The following OSBPL6 variants were observed in gnomAD, a reference collection of about 807,000 sequenced individuals.
OSBPL6 encodes the protein oxysterol-binding protein-related protein 6.
A neutral mutation model predicts 125.8 loss-of-function variants in OSBPL6; 49 were observed. That is an observed-to-expected ratio of 0.39 (90% CI 0.31 to 0.49). OSBPL6 has a LOEUF of 0.49. Ranked by LOEUF, OSBPL6 falls within the 20% of genes least tolerant of loss-of-function variation. The pLI, the probability that OSBPL6 is intolerant of heterozygous loss-of-function variation, is 0.88. For synonymous variants in OSBPL6, 394 were observed against 391.8 expected, an observed-to-expected ratio of 1.01 and a Z score of -0.07; for missense variants, 986 against 1,135.4, an observed-to-expected ratio of 0.87 and a Z score of 1.89.
chr2:178,397,208 C>T lies in OSBPL6; in HGVS notation c.*1649C>T, dbSNP rs1482608189. ...AAGCGCTAACGTTTCCACTAGATGG[C>T]GCAATATTTTATTTATCCAAAACTC... On this transcript the variant is annotated 3_prime_UTR_variant, in exon 25 of 25. Transcript: ENST00000190611. 6.6e-6 allele frequency: 1 copy of T among 152,134 alleles called. No homozygotes were observed. Among genetic ancestry groups the T allele is most frequent in the Non-Finnish European group, 1.5e-5 (1 of 68,020 alleles). 9.4% of individuals were successfully genotyped at this position (152,134 alleles called of 1,614,324 possible).
intron 2 of OSBPL6, among the ~76,000 whole-genome samples, chr2:178,292,870 A>G (rs537904933): frequency 6.6e-6 from 1 of 152,164 alleles, no homozygotes; most frequent in Admixed American, 6.5e-5. Flanking sequence ...GCCTATTCTG[A>G]GGTAACACTT....
intron 1 of OSBPL6, among the ~76,000 whole-genome samples, chr2:178,217,913 GAA>G (rs2090155857): frequency 6.6e-6 from 1 of 152,190 alleles, no homozygotes; most frequent in African/African-American, 2.4e-5. Context: ...TGGTTTTCAT[GAA>G]AAGGAAAACC....
chr2:178,250,457 C>G (rs1229878288), intron 1 of OSBPL6, among the ~76,000 whole-genome samples: 1 of 152,184 alleles, frequency 6.6e-6, no homozygotes, highest in African/African-American at 2.4e-5. Flanking sequence ...TTTAAAAATG[C>G]AGCTCTAATC....
rs1689366539 is a variant in OSBPL6 at position 178,333,052 on chromosome 2, GT to G, written c.657+13del. ...GTAATGGATGGAAAGGTATGACTTT[GT>G]TCTATAAAAACCAGCCTGAAAATTG... On this transcript the variant is annotated intron_variant, in intron 8 of 24. Coordinates refer to ENST00000190611, the MANE Select transcript of OSBPL6 (RefSeq NM_032523.4). 1.2e-6 allele frequency: 2 copies of G among 1,612,202 alleles called. No homozygotes were observed. The highest frequency in any genetic ancestry group is 3.4e-5 in the Admixed American group (2 of 59,542).
chr2:178,213,358 C>T (rs1282214748), intron 1 of OSBPL6, among the ~76,000 whole-genome samples: 1 of 151,920 alleles, frequency 6.6e-6, no homozygotes, highest in African/African-American at 2.4e-5. Context: ...TTGTGCATGC[C>T]CAAAACAGAA....
intron 1 of OSBPL6, among the ~76,000 whole-genome samples, chr2:178,282,004 G>A (rs888411363): frequency 3.3e-5 from 5 of 152,114 alleles, no homozygotes; most frequent in Non-Finnish European, 7.4e-5. Context: ...CCTGCTTCCC[G>A]GAGTACACAC....
chr2:178,225,606 C>A (rs1007851908), intron 1 of OSBPL6, among the ~76,000 whole-genome samples: 2 of 152,108 alleles, frequency 1.3e-5, no homozygotes, highest in Non-Finnish European at 2.9e-5. Context: ...AAGACATACC[C>A]GAGACTGGGC....
intron 1 of OSBPL6, among the ~76,000 whole-genome samples, chr2:178,265,325 C>G (rs1251387831): frequency 6.9e-6 from 1 of 145,458 alleles, no homozygotes; most frequent in Non-Finnish European, 1.5e-5. Context: ...GATCCTCCCA[C>G]CTTAAGTTCC....
chr2:178,297,256 A>G (rs1685840981), intron 2 of OSBPL6, among the ~76,000 whole-genome samples: 1 of 152,126 alleles, frequency 6.6e-6, no homozygotes, highest in Admixed American at 6.5e-5. Context: ...ACTCCAGTCT[A>G]CAAAGCATGT....
At chr2:178,342,239 A>C (rs1574918955) in intron 11 of OSBPL6, among the ~76,000 whole-genome samples, 1 of 152,174 alleles carries the variant, frequency 6.6e-6, no homozygotes, top group Admixed American at 6.5e-5. Flanking sequence ...ACTAAGTACA[A>C]CAGCCATTGT....
At chr2:178,358,740 A>C (rs930350599) in intron 12 of OSBPL6, among the ~76,000 whole-genome samples, 4 of 152,164 alleles carry the variant, frequency 2.6e-5, no homozygotes, top group Non-Finnish European at 4.4e-5. Context: ...AAAATCAAAA[A>C]TAAATAAATG....
At chr2:178,389,280 A>G in intron 21 of OSBPL6, 127 bp downstream of exon 21, 1 of 949,558 alleles carries the variant, frequency 1.1e-6, no homozygotes, top group Non-Finnish European at 1.5e-6. Flanking sequence ...CGGACATTTT[A>G]GATAAGAAAG....
At chr2:178,306,526 G>A (rs1180529844) in intron 3 of OSBPL6, among the ~76,000 whole-genome samples, 2 of 152,144 alleles carry the variant, frequency 1.3e-5, no homozygotes, top group East Asian at 3.9e-4. Flanking sequence ...GCTATGAGAA[G>A]CCCTGCCGTC....
At position 178,207,969 on chromosome 2, in the gene OSBPL6, C is replaced by T. The variant is rs1478201704; in HGVS notation, c.-351+13295C>T. Among the ~76,000 whole-genome samples the T allele has an allele frequency of 2.0e-5, 3 of 151,992 alleles. No homozygotes were observed. The East Asian group carries it at 5.8e-4, about 29-fold the overall frequency. ...TTAGAGAACTTGTGTGCCAGTGTGA[C>T]AATTAGCAAAGTTTTATTAGAAATA... On this transcript the variant is annotated intron_variant, in intron 1 of 24. Transcript: ENST00000190611.
chr2:178,394,455 T>C lies in OSBPL6; in HGVS notation c.2696+20T>C. ...TTTTAAGTAAGTCAGTTAACTCCCA[T>C]AGCAAGTTCATGTTTTGCAAATGGT... On this transcript the variant is annotated intron_variant, in intron 24 of 24. Coordinates refer to ENST00000190611, the MANE Select transcript of OSBPL6 (RefSeq NM_032523.4). 2 of 1,589,090 alleles carry C rather than the reference T, an allele frequency of 1.3e-6. No individual in the cohort carries two copies. The highest frequency in any genetic ancestry group is 1.4e-5 in the African/African-American group (1 of 73,372).
At position 178,254,934 on chromosome 2, in the gene OSBPL6, A is replaced by T. The variant is rs181319660; in HGVS notation, c.-350-29993A>T. Among the ~76,000 whole-genome samples the T allele has an allele frequency of 2.1e-3, 325 of 152,346 alleles. 2 individuals are homozygous for T. Among genetic ancestry groups the T allele is most frequent in the African/African-American group, 7.5e-3 (311 of 41,580 alleles). On this transcript the variant is annotated intron_variant, in intron 1 of 24. Transcript: ENST00000190611. The stretch of plus-strand genomic sequence containing the variant: ...AGGTTTAATGGACTCACAGTTTCAC[A>T]TGGCTGGGGAGGCCTCACAATCATG...
chr2:178,310,517 A>G (rs906799905), intron 3 of OSBPL6, among the ~76,000 whole-genome samples: 2 of 140,318 alleles, frequency 1.4e-5, no homozygotes, highest in Admixed American at 8.0e-5. Flanking sequence ...TCCTGGGTTC[A>G]CGCCATTCTC....
At chr2:178,326,799 A>G (rs1437339168) in intron 4 of OSBPL6, among the ~76,000 whole-genome samples, 1 of 152,150 alleles carries the variant, frequency 6.6e-6, no homozygotes, top group Non-Finnish European at 1.5e-5. Flanking sequence ...CTTTTACTGG[A>G]CTTAGTAATA....
chr2:178,383,321 A>G (rs1252656343), intron 17 of OSBPL6, 44 bp downstream of exon 17: 15 of 1,589,642 alleles, frequency 9.4e-6, no homozygotes, highest in African/African-American at 4.1e-5. Context: ...GGATTTGCCA[A>G]CCCTAGACCT....
Sources: allele counts gnomAD v4.1 joint callset (sites outside exome capture counted in the v4.1 genomes callset), GRCh38; gene constraint gnomAD v4.1.1; transcripts MANE v1.5; gene names NCBI Gene and HGNC (gene_info 2026-07-23, HGNC 2026-07-21).